The following ADAMTS18 variants were observed in gnomAD, a reference collection of about 807,000 sequenced individuals.
ADAMTS18 encodes A disintegrin and metalloproteinase with thrombospondin motifs 18.
Under a neutral mutation model 165.9 loss-of-function variants are expected in ADAMTS18, and 157 were observed. The ratio of observed to expected loss-of-function variants is 0.95; its 90% CI spans 0.83 to 1.08. The LOEUF is 1.08. Ranked by LOEUF, ADAMTS18 falls within the 50% of genes least tolerant of loss-of-function variation. ADAMTS18 has a pLI of 0.00. For synonymous variants in ADAMTS18, 782 were observed against 578.2 expected, an observed-to-expected ratio of 1.35 and a Z score of -5.06; for missense variants, 2,040 against 1,534.0, an observed-to-expected ratio of 1.33 and a Z score of -5.51.
chr16:77,312,855 A>G (rs575251872), intron 16 of ADAMTS18, among the ~76,000 whole-genome samples: 31 of 152,210 alleles, frequency 2.0e-4, no homozygotes, highest in Middle Eastern at 6.8e-3. Context: ...GGGACTGTAA[A>G]CTAGTTCAAC....
At chr16:77,374,745 C>T (rs528638285) in intron 3 of ADAMTS18, among the ~76,000 whole-genome samples, 1 of 152,072 alleles carries the variant, frequency 6.6e-6, no homozygotes, top group South Asian at 2.1e-4. Context: ...AACTTCCACA[C>T]TGAGAAAGCA....
In ADAMTS18 at chr16:77,321,205, G is replaced by A. The variant is rs754455850; in HGVS notation, c.2164-3C>T. On this transcript the variant is annotated splice_region_variant and splice_polypyrimidine_tract_variant and intron_variant, in intron 14 of 22. Coordinates refer to ENST00000282849, the MANE Select transcript of ADAMTS18 (RefSeq NM_199355.4). The stretch of plus-strand genomic sequence containing the variant: ...AGTTCATGATCACATCCCACTAGCT[G>A]TGACAAAAACAAAAAACGTGAGAAA... 4 of 1,614,002 alleles carry A rather than the reference G, an allele frequency of 2.5e-6. No individual in the cohort carries two copies. Among genetic ancestry groups the A allele is most frequent in the African/African-American group, 1.3e-5 (1 of 74,932 alleles).
Position 77,431,477 on chromosome 16 carries a change from C to T in ADAMTS18, c.313G>A (p.Gly105Arg). ...SSLHYRFSAF[G>R]QELHLELKPS... is the part of the protein sequence containing the mutation. ...TTAAGTTCTAAGTGCAGTTCCTGTC[C>T]AAATGCTGAAAATCGGTAGTGCAGG... Residue 105 changes from glycine to arginine, a missense_variant, in exon 3 of 23, where the codon GGA becomes AGA. Transcript: ENST00000282849. 1 of 1,614,212 alleles carries T rather than the reference C, an allele frequency of 6.2e-7. No individual in the cohort carries two copies. Among genetic ancestry groups the T allele is most frequent in the Non-Finnish European group, 8.5e-7 (1 of 1,180,038 alleles).
At chr16:77,429,585 A>C (rs941145114) in intron 3 of ADAMTS18, among the ~76,000 whole-genome samples, 2 of 152,328 alleles carry the variant, frequency 1.3e-5, no homozygotes, top group South Asian at 2.1e-4. Context: ...TGAACCTAAA[A>C]GTTTTAAAAA....
intron 9 of ADAMTS18, among the ~76,000 whole-genome samples, chr16:77,354,175 C>T (rs1232877422): frequency 6.6e-6 from 1 of 152,070 alleles, no homozygotes; most frequent in Non-Finnish European, 1.5e-5. Flanking sequence ...TTTGAAAACT[C>T]CCATCAACAA....
chr16:77,422,699 G>T (rs2057619171), intron 3 of ADAMTS18, among the ~76,000 whole-genome samples: 1 of 152,106 alleles, frequency 6.6e-6, no homozygotes, highest in Non-Finnish European at 1.5e-5. Flanking sequence ...GATTATTCCA[G>T]AGCCAAAAAA....
At chr16:77,315,339 T>C (rs1329468815) in intron 16 of ADAMTS18, among the ~76,000 whole-genome samples, 1 of 152,194 alleles carries the variant, frequency 6.6e-6, no homozygotes, top group Non-Finnish European at 1.5e-5. Flanking sequence ...GCAAAGCCTA[T>C]TGTAAACTGA....
intron 12 of ADAMTS18, among the ~76,000 whole-genome samples, chr16:77,332,702 A>G (rs1005685785): frequency 6.6e-6 from 1 of 152,176 alleles, no homozygotes; most frequent in African/African-American, 2.4e-5. Context: ...TAAAAGTAAC[A>G]TAAAACCACC....
At chr16:77,403,680 G>C (rs16945637) in intron 3 of ADAMTS18, among the ~76,000 whole-genome samples, 35 of 152,094 alleles carry the variant, frequency 2.3e-4, no homozygotes, top group Admixed American at 8.5e-4. Flanking sequence ...CTATCTGTTA[G>C]GGGAGACTGA....
At chr16:77,359,271 C>T (rs1052150276) in intron 8 of ADAMTS18, 47 bp downstream of exon 8, 1 of 1,503,682 alleles carries the variant, frequency 6.7e-7, no homozygotes, top group Non-Finnish European at 9.2e-7. Context: ...ACCAATGAAT[C>T]ACCCAACTAG....
At chr16:77,321,607 G>A (rs1203646743) in intron 14 of ADAMTS18, among the ~76,000 whole-genome samples, 1 of 152,096 alleles carries the variant, frequency 6.6e-6, no homozygotes, top group Non-Finnish European at 1.5e-5. Flanking sequence ...AAGAGAAAAT[G>A]AGCACTCAAA....
rs770482090 is a variant in ADAMTS18 at position 77,291,253 on chromosome 16, G to A, written c.3402+13C>T. On this transcript the variant is annotated intron_variant, in intron 21 of 22. Transcript: ENST00000282849. ...CACTTGAATAGACACCTCCTCAATC[G>A]GCCTGTACCCACCTGCTGCCACGGC... 1.9e-5 allele frequency: 30 copies of A among 1,613,230 alleles called. 1 individual carries two copies. The highest frequency in any genetic ancestry group is 5.0e-5 in the Admixed American group (3 of 59,964).
At chr16:77,292,601 C>T (rs550192771) in intron 20 of ADAMTS18, among the ~76,000 whole-genome samples, 4 of 152,322 alleles carry the variant, frequency 2.6e-5, no homozygotes, top group Non-Finnish European at 5.9e-5. Flanking sequence ...TCTATCAAGT[C>T]ACTTGACGTG....
chr16:77,297,952 T>A (rs1350650584), intron 17 of ADAMTS18, among the ~76,000 whole-genome samples: 2 of 117,560 alleles, frequency 1.7e-5, no homozygotes, highest in Non-Finnish European at 3.3e-5. Flanking sequence ...TGAGATGGAG[T>A]CTCATTCTGT....
intron 3 of ADAMTS18, among the ~76,000 whole-genome samples, chr16:77,403,618 A>C (rs1376226257): frequency 1.3e-5 from 2 of 152,242 alleles, no homozygotes; most frequent in Admixed American, 1.3e-4. Flanking sequence ...TTGATGGCTT[A>C]GTCAGGTCCT....
intron 16 of ADAMTS18, among the ~76,000 whole-genome samples, chr16:77,319,295 C>T (rs1368178974): frequency 6.6e-6 from 1 of 152,178 alleles, no homozygotes; most frequent in Non-Finnish European, 1.5e-5. Context: ...GTTCTTGAAA[C>T]CCAAGCATAT....
chr16:77,364,687 A>G (rs2056766527), intron 4 of ADAMTS18, among the ~76,000 whole-genome samples: 4 of 149,936 alleles, frequency 2.7e-5, no homozygotes, highest in Middle Eastern at 6.8e-3. Flanking sequence ...AAATAAATGG[A>G]TAATGGATGA....
intron 3 of ADAMTS18, among the ~76,000 whole-genome samples, chr16:77,377,177 C>T (rs2056966242): frequency 6.6e-6 from 1 of 152,196 alleles, no homozygotes; most frequent in Non-Finnish European, 1.5e-5. Context: ...TATGAATTTT[C>T]CCTAAAGTTT....
chr16:77,419,207 G>C (rs1192039481), intron 3 of ADAMTS18, among the ~76,000 whole-genome samples: 1 of 152,166 alleles, frequency 6.6e-6, no homozygotes, highest in Non-Finnish European at 1.5e-5. Context: ...TGTGGGTACA[G>C]TGTGACTGTG....
Sources: gnomAD v4.1 joint callset for allele counts (sites outside exome capture counted in the v4.1 genomes callset) on GRCh38, gnomAD v4.1.1 for gene constraint, MANE v1.5 for transcripts, NCBI Gene and HGNC (gene_info 2026-07-23, HGNC 2026-07-21) for gene names.